The following IGF2BP3 variants were observed in gnomAD, a reference collection of about 807,000 sequenced individuals.
IGF2BP3 encodes insulin-like growth factor 2 mRNA-binding protein 3.
A neutral mutation model predicts 73.8 loss-of-function variants in IGF2BP3; 9 were observed. That is an observed-to-expected ratio of 0.12 (90% confidence interval 0.07 to 0.21). The LOEUF (loss-of-function observed/expected upper bound fraction) is 0.21. Among genes scored for constraint, IGF2BP3 ranks in the 10% least tolerant of loss-of-function variants. The probability of loss-of-function intolerance (pLI) is 1.00; values close to 1 mark genes in which losing one functional copy is unlikely to be tolerated. For missense variants in IGF2BP3, 542 were observed against 714.0 expected (o/e 0.76, Z 2.75); for synonymous variants, 258 against 256.7 (o/e 1.01, Z -0.05).
chr7:23,322,509 G>C (rs1416949273), intron 10 of IGF2BP3, among the ~76,000 whole-genome samples: 3 of 152,114 alleles, frequency 2.0e-5, no homozygotes, highest in South Asian at 2.1e-4. Flanking sequence ...AGGATATTAT[G>C]CAGGAGAACT....
chr7:23,335,162 T>G (rs2128498755), intron 10 of IGF2BP3, among the ~76,000 whole-genome samples: 1 of 146,300 alleles, frequency 6.8e-6, no homozygotes, highest in African/African-American at 2.5e-5. Flanking sequence ...ATGTGCACAG[T>G]GAGTTACTTA....
intron 10 of IGF2BP3, among the ~76,000 whole-genome samples, chr7:23,341,649 G>GA (rs1176975806): frequency 2.0e-5 from 3 of 152,034 alleles, no homozygotes; most frequent in Non-Finnish European, 4.4e-5. Flanking sequence ...CAGCCTGGGC[G>GA]AAAGAGTGGG....
intron 3 of IGF2BP3, among the ~76,000 whole-genome samples, chr7:23,377,422 A>C (rs1484983970): frequency 2.6e-5 from 4 of 152,238 alleles, no homozygotes; most frequent in Non-Finnish European, 2.9e-5. Flanking sequence ...AACTAAAGTG[A>C]CTTATCGCTT....
intron 3 of IGF2BP3, among the ~76,000 whole-genome samples, chr7:23,404,176 C>G (rs1583999161): frequency 1.3e-5 from 2 of 151,514 alleles, no homozygotes; most frequent in African/African-American, 4.9e-5. Context: ...GCATATTGCT[C>G]TGCTCATAAT....
intron 2 of IGF2BP3, among the ~76,000 whole-genome samples, chr7:23,427,342 C>T (rs185253817): frequency 6.6e-6 from 1 of 152,176 alleles, no homozygotes; most frequent in Non-Finnish European, 1.5e-5. Flanking sequence ...AAGTATCTAT[C>T]ATTGGCTTTT....
chr7:23,397,584 T>TA (rs561787305), intron 3 of IGF2BP3, among the ~76,000 whole-genome samples: 2 of 152,246 alleles, frequency 1.3e-5, no homozygotes, highest in Non-Finnish European at 2.9e-5. Context: ...TGCCTCCTTC[T>TA]ATCTTGTCAT....
At chr7:23,455,095 CA>C (rs1388029752) in intron 2 of IGF2BP3, among the ~76,000 whole-genome samples, 1 of 152,170 alleles carries the variant, frequency 6.6e-6, no homozygotes, top group African/African-American at 2.4e-5. Context: ...GAGCATTTTC[CA>C]AAATTAACCT....
At chr7:23,349,029 GATAC>G (rs2128503981) in intron 6 of IGF2BP3, among the ~76,000 whole-genome samples, 1 of 152,188 alleles carries the variant, frequency 6.6e-6, no homozygotes. Context: ...ATCCTATAGA[GATAC>G]ATCCCCAACT....
chr7:23,391,525 C>T (rs962508509), intron 3 of IGF2BP3, among the ~76,000 whole-genome samples: 5 of 152,164 alleles, frequency 3.3e-5, no homozygotes, highest in South Asian at 2.1e-4. Context: ...GACACTCAGA[C>T]TTTCTGATCT....
At chr7:23,424,663 C>G (rs540077944) in intron 2 of IGF2BP3, among the ~76,000 whole-genome samples, 3 of 152,082 alleles carry the variant, frequency 2.0e-5, no homozygotes, top group African/African-American at 7.2e-5. Flanking sequence ...TTTGGGAGAA[C>G]TGCCTGAAAC....
chr7:23,470,143 AG>A lies in IGF2BP3; in HGVS notation c.-34del. The A allele has an allele frequency of 6.4e-7, 1 of 1,556,550 alleles. No homozygotes were observed. The highest frequency in any genetic ancestry group is 8.7e-7 in the Non-Finnish European group (1 of 1,150,770). Reference sequence around the variant, plus strand: ...AGTGGTTGTTTAAAAAAAAATAACGAGAAAAAACGAAAAATTAAAACCACCC... The same window carrying A: ...AGTGGTTGTTTAAAAAAAAATAACGAAAAAAACGAAAAATTAAAACCACCC... On this transcript the variant is annotated 5_prime_UTR_variant, in exon 1 of 15. Coordinates refer to ENST00000258729, the MANE Select transcript of IGF2BP3 (RefSeq NM_006547.3).
At chr7:23,453,701 A>G (rs1231753265) in intron 2 of IGF2BP3, among the ~76,000 whole-genome samples, 1 of 152,066 alleles carries the variant, frequency 6.6e-6, no homozygotes, top group Non-Finnish European at 1.5e-5. Flanking sequence ...TTTACTCTTT[A>G]GCTATATGAG....
At chr7:23,384,919 T>G (rs759612844) in intron 3 of IGF2BP3, among the ~76,000 whole-genome samples, 1 of 151,896 alleles carries the variant, frequency 6.6e-6, no homozygotes, top group Non-Finnish European at 1.5e-5. Flanking sequence ...AAAAATATCC[T>G]ACCTGGTAGG....
chr7:23,317,610 G>A (rs917369909), intron 12 of IGF2BP3, 29 bp downstream of exon 12: 2 of 1,558,706 alleles, frequency 1.3e-6, no homozygotes, highest in Non-Finnish European at 1.8e-6. Flanking sequence ...TGTTACCTGT[G>A]GACATAGCAC....
At chr7:23,328,962 C>T (rs1044278867) in intron 10 of IGF2BP3, among the ~76,000 whole-genome samples, 1 of 152,144 alleles carries the variant, frequency 6.6e-6, no homozygotes, top group East Asian at 1.9e-4. Flanking sequence ...GTAATCCCAG[C>T]ACTTTGGCAG....
At position 23,437,897 on chromosome 7, in the gene IGF2BP3, A is replaced by AG. The variant is rs1444252014; in HGVS notation, c.237-19074dup. Among the ~76,000 whole-genome samples, 13 of 152,338 alleles carry AG rather than the reference A, an allele frequency of 8.5e-5. No homozygotes were observed. In the East Asian group the frequency reaches 9.6e-4, roughly 11 times the overall value. On this transcript the variant is annotated intron_variant, in intron 2 of 14. Coordinates refer to ENST00000258729, the MANE Select transcript of IGF2BP3 (RefSeq NM_006547.3). ...TTACAGATTAAGGAAACAGCCTCAA[A>AG]GGATTATTTTAACCAAAGTCAAAAC...
intron 2 of IGF2BP3, among the ~76,000 whole-genome samples, chr7:23,443,359 AGGTGATTCACCTGCCTCG>A (rs1787982264): frequency 6.6e-6 from 1 of 152,012 alleles, no homozygotes; most frequent in Non-Finnish European, 1.5e-5. Context: ...TCCCGACCTC[AGGTGATTCACCTGCCTCG>A]GCCTCCCAAA....
chr7:23,341,069 T>TG (rs1218233354), intron 10 of IGF2BP3, among the ~76,000 whole-genome samples: 5 of 151,948 alleles, frequency 3.3e-5, no homozygotes, highest in Admixed American at 3.3e-4. Flanking sequence ...AGGCTGGTCT[T>TG]GAACTCCTGA....
At chr7:23,418,339 A>G (rs1294030437) in intron 3 of IGF2BP3, among the ~76,000 whole-genome samples, 1 of 152,222 alleles carries the variant, frequency 6.6e-6, no homozygotes, top group African/African-American at 2.4e-5. Context: ...GTGTTTATGC[A>G]TATTACACAA....
Sources: allele counts gnomAD v4.1 joint callset (sites outside exome capture counted in the v4.1 genomes callset), GRCh38; gene constraint gnomAD v4.1.1; transcripts MANE v1.5; gene names NCBI Gene and HGNC (gene_info 2026-07-23, HGNC 2026-07-21).